The following UBE2Q2 variants were observed in gnomAD, a reference collection of about 807,000 sequenced individuals.
UBE2Q2 encodes the protein ubiquitin-conjugating enzyme E2 Q2.
Under a neutral mutation model 59.9 loss-of-function variants are expected in UBE2Q2, and 54 were observed. The observed-to-expected ratio is 0.90, with a 90% CI of 0.72 to 1.13. The LOEUF (loss-of-function observed/expected upper bound fraction) is 1.13. Ranked by LOEUF, UBE2Q2 falls within the 50% of genes most tolerant of loss-of-function variation. UBE2Q2 has a pLI of 0.00. For synonymous variants in UBE2Q2, 165 were observed against 155.2 expected, an observed-to-expected ratio of 1.06 and a Z score of -0.47; for missense variants, 433 against 441.9, an observed-to-expected ratio of 0.98 and a Z score of 0.18.
intron 1 of UBE2Q2, among the ~76,000 whole-genome samples, chr15:75,844,987 C>T (rs995227818): frequency 1.1e-4 from 17 of 151,968 alleles, no homozygotes; most frequent in African/African-American, 3.6e-4. Flanking sequence ...AAGACAAGTG[C>T]TGTACTGAGG....
At chr15:75,862,511 G>A (rs1741462617) in intron 3 of UBE2Q2, among the ~76,000 whole-genome samples, 2 of 150,356 alleles carry the variant, frequency 1.3e-5, no homozygotes, top group African/African-American at 4.9e-5. Flanking sequence ...ATATTTGAGA[G>A]AGGTACTAAA....
chr15:75,864,222 G>GATA (rs1394158553), intron 3 of UBE2Q2, among the ~76,000 whole-genome samples: 2 of 152,030 alleles, frequency 1.3e-5, no homozygotes, highest in African/African-American at 4.8e-5. Context: ...GGGTATGCAG[G>GATA]GGTGACTTGG....
chr15:75,876,106 G>A, intron 5 of UBE2Q2, 81 bp from the exon 6 acceptor site: 1 of 1,083,558 alleles, frequency 9.2e-7, no homozygotes, highest in East Asian at 2.6e-5. Context: ...ATCCATTTTT[G>A]CTGTAATCTT....
chr15:75,872,051 C>G (rs1436117100), intron 4 of UBE2Q2, among the ~76,000 whole-genome samples: 1 of 151,918 alleles, frequency 6.6e-6, no homozygotes, highest in Non-Finnish European at 1.5e-5. Context: ...AAGGTGCACA[C>G]AGGGAGAAGG....
At chr15:75,878,987 C>CT in intron 7 of UBE2Q2, 111 bp from the exon 8 acceptor site, 2 of 653,194 alleles carry the variant, frequency 3.1e-6, no homozygotes, top group Non-Finnish European at 5.0e-6. Context: ...CTTTCTGGAA[C>CT]TTGCCCTAGG....
chr15:75,843,947 TCCCCGGGCGGGGCAGG>T (rs1896166556), intron 1 of UBE2Q2, 101 bp downstream of exon 1: 2 of 1,415,806 alleles, frequency 1.4e-6, no homozygotes, highest in African/African-American at 3.0e-5. Context: ...AGGCTCCGGC[TCCCCGGGCGGGGCAGG>T]CCCGCCCCTT....
chr15:75,899,522 C>A lies in UBE2Q2; in HGVS notation c.*64C>A. On this transcript the variant is annotated 3_prime_UTR_variant, in exon 13 of 13. Coordinates refer to ENST00000267938, the MANE Select transcript of UBE2Q2 (RefSeq NM_173469.4). The stretch of plus-strand genomic sequence containing the variant: ...AAAGAAAATCTTTCTAACATGCAGA[C>A]AAAAGCTTTGAGTGCCCCTATTACA... 1 of 1,425,316 alleles carries A rather than the reference C, an allele frequency of 7.0e-7. No homozygotes were observed. The highest frequency in any genetic ancestry group is 9.7e-7 in the Non-Finnish European group (1 of 1,035,378). The allele number at this position is 1,425,316 out of a possible 1,614,324, so 88.3% of individuals were successfully genotyped here. A position where few individuals can be genotyped will look rare whatever the true frequency, so the allele number is the denominator to read the frequency against.
chr15:75,852,727 G>A (rs140118429), intron 1 of UBE2Q2, among the ~76,000 whole-genome samples: 77 of 152,328 alleles, frequency 5.1e-4, no homozygotes, highest in African/African-American at 1.8e-3. Flanking sequence ...AGAAAATGCA[G>A]TACTCAATAA....
intron 5 of UBE2Q2, among the ~76,000 whole-genome samples, chr15:75,875,919 A>G (rs1171316222): frequency 6.6e-6 from 1 of 151,960 alleles, no homozygotes; most frequent in Non-Finnish European, 1.5e-5. Context: ...TACAAAATTT[A>G]GCTGGGCGTG....
chr15:75,848,627 C>T (rs1479721494), intron 1 of UBE2Q2, among the ~76,000 whole-genome samples: 1 of 151,816 alleles, frequency 6.6e-6, no homozygotes, highest in Non-Finnish European at 1.5e-5. Context: ...ACTTAGGTTT[C>T]CCTTTTGTGA....
chr15:75,871,790 G>C (rs750161479), intron 4 of UBE2Q2, among the ~76,000 whole-genome samples: 2 of 152,218 alleles, frequency 1.3e-5, no homozygotes, highest in African/African-American at 2.4e-5. Context: ...CACAGACACA[G>C]TAACAGGCTG....
At chr15:75,854,532 TACA>T in intron 2 of UBE2Q2, 45 bp downstream of exon 2, 2 of 1,187,520 alleles carry the variant, frequency 1.7e-6, no homozygotes, top group Non-Finnish European at 2.4e-6. Flanking sequence ...TCATGAACAT[TACA>T]TATAGAAATT....
chr15:75,889,019 T>G (rs796686784), intron 9 of UBE2Q2, among the ~76,000 whole-genome samples: 3 of 152,342 alleles, frequency 2.0e-5, no homozygotes, highest in African/African-American at 7.2e-5. Flanking sequence ...ATCAACCGAT[T>G]ATTAAGCTTT....
chr15:75,856,865 C>T (rs528755427), intron 2 of UBE2Q2, among the ~76,000 whole-genome samples: 2 of 152,062 alleles, frequency 1.3e-5, no homozygotes, highest in South Asian at 4.2e-4. Context: ...AGTGCTTCAA[C>T]CTGGGAGGCA....
At chr15:75,894,457 G>A (rs905594761) in intron 11 of UBE2Q2, among the ~76,000 whole-genome samples, 2 of 152,030 alleles carry the variant, frequency 1.3e-5, no homozygotes, top group East Asian at 3.9e-4. Flanking sequence ...CGTGGCAGGC[G>A]CCTGTAGTCC....
intron 3 of UBE2Q2, among the ~76,000 whole-genome samples, chr15:75,868,135 A>T (rs1219914960): frequency 6.6e-6 from 1 of 152,214 alleles, no homozygotes; most frequent in Non-Finnish European, 1.5e-5. Context: ...ATGCTTAGAT[A>T]CTGCCGAGAC....
chr15:75,845,964 A>G (rs1402296736), intron 1 of UBE2Q2, among the ~76,000 whole-genome samples: 5 of 152,264 alleles, frequency 3.3e-5, no homozygotes, highest in African/African-American at 1.2e-4. Context: ...GGTAGAAACT[A>G]TTAAAATTGA....
intron 10 of UBE2Q2, 92 bp downstream of exon 10, chr15:75,890,575 C>T: frequency 1.8e-6 from 2 of 1,097,442 alleles, no homozygotes; most frequent in Middle Eastern, 2.0e-4. Context: ...TTAATAGCTC[C>T]TACTCTTAAA....
Position 75,887,279 on chromosome 15 carries a change from G to A in UBE2Q2, c.885-3156G>A, listed in dbSNP as rs566039238. Among the ~76,000 whole-genome samples the A allele has an allele frequency of 6.6e-5, 10 of 152,338 alleles. 2 individuals carry two copies. In the South Asian group the frequency reaches 2.1e-3, roughly 32 times the overall value. On this transcript the variant is annotated intron_variant, in intron 9 of 12. Coordinates refer to ENST00000267938, the MANE Select transcript of UBE2Q2 (RefSeq NM_173469.4). ...CAGAGGTTTAAAGCAGCAAAGAGTT[G>A]CTGTGGCAATAGTGACCTGAAGACT...
Sources: gnomAD v4.1 joint callset for allele counts (sites outside exome capture counted in the v4.1 genomes callset) on GRCh38, gnomAD v4.1.1 for gene constraint, MANE v1.5 for transcripts, NCBI Gene and HGNC (gene_info 2026-07-23, HGNC 2026-07-21) for gene names.